Variants in CDK14 observed in about 807,000 individuals in gnomAD.
CDK14 encodes cyclin dependent kinase 14.
CDK14 carries 34 observed loss-of-function variants against 60.7 expected under a neutral mutation model. That is an observed-to-expected ratio of 0.56 (90% confidence interval 0.43 to 0.75). The LOEUF is 0.75. CDK14 is among the 30% of genes least tolerant of loss of function. The pLI is 0.00. For synonymous variants in CDK14, 197 were observed against 203.7 expected, an observed-to-expected ratio of 0.97 and a Z score of 0.28; for missense variants, 482 against 564.1, an observed-to-expected ratio of 0.85 and a Z score of 1.47.
At chr7:91,081,228 A>T (rs1798474854) in intron 12 of CDK14, among the ~76,000 whole-genome samples, 1 of 152,210 alleles carries the variant, frequency 6.6e-6, no homozygotes, top group South Asian at 2.1e-4. Flanking sequence ...TATATTATTG[A>T]TTCTTCCTCC....
At chr7:90,676,419 A>G (rs1801198136) in intron 2 of CDK14, among the ~76,000 whole-genome samples, 1 of 152,002 alleles carries the variant, frequency 6.6e-6, no homozygotes, top group Non-Finnish European at 1.5e-5. Context: ...TGGTGCACTT[A>G]TAGGAGGAAG....
At chr7:90,689,635 A>G (rs1801513216) in intron 2 of CDK14, among the ~76,000 whole-genome samples, 1 of 152,214 alleles carries the variant, frequency 6.6e-6, no homozygotes, top group African/African-American at 2.4e-5. Flanking sequence ...GCTGCTGACT[A>G]GAAATTTGTT....
intron 5 of CDK14, among the ~76,000 whole-genome samples, chr7:90,850,159 A>G (rs1201876668): frequency 6.6e-6 from 1 of 152,002 alleles, no homozygotes; most frequent in Non-Finnish European, 1.5e-5. Flanking sequence ...TTAATAAGAA[A>G]ATGAGAATGG....
intron 11 of CDK14, among the ~76,000 whole-genome samples, chr7:91,058,456 G>T (rs890726874): frequency 7.2e-5 from 11 of 152,152 alleles, no homozygotes; most frequent in Non-Finnish European, 1.3e-4. Context: ...GAATAGGAGT[G>T]GTGAGAGAGG....
At chr7:91,162,394 A>G (rs1162547607) in intron 14 of CDK14, among the ~76,000 whole-genome samples, 1 of 152,130 alleles carries the variant, frequency 6.6e-6, no homozygotes, top group African/African-American at 2.4e-5. Context: ...GGAAGGTGGG[A>G]GCTAGGAGAC....
At chr7:91,149,451 A>G (rs1317596856) in intron 14 of CDK14, among the ~76,000 whole-genome samples, 1 of 152,198 alleles carries the variant, frequency 6.6e-6, no homozygotes, top group Non-Finnish European at 1.5e-5. Context: ...GATGGACTGC[A>G]AATGATATTC....
chr7:91,127,335 A>T (rs1289432006), intron 14 of CDK14, among the ~76,000 whole-genome samples: 2 of 152,192 alleles, frequency 1.3e-5, no homozygotes, highest in African/African-American at 4.8e-5. Flanking sequence ...ATTAAAGCTG[A>T]CATACTCTCA....
At chr7:90,686,064 A>G (rs1202351806) in intron 2 of CDK14, among the ~76,000 whole-genome samples, 2 of 152,188 alleles carry the variant, frequency 1.3e-5, no homozygotes, top group African/African-American at 4.8e-5. Context: ...GTTTTTGGAC[A>G]AGTTACTTCC....
chr7:90,994,576 C>G (rs1263628799), intron 10 of CDK14, among the ~76,000 whole-genome samples: 1 of 152,172 alleles, frequency 6.6e-6, no homozygotes, highest in Non-Finnish European at 1.5e-5. Context: ...CCAAGTCGAG[C>G]TGATAAACAG....
At chr7:90,979,541 A>G (rs1795171694) in intron 9 of CDK14, 1 of 152,206 alleles carries the variant, frequency 6.6e-6, no homozygotes, top group African/African-American at 2.4e-5. Flanking sequence ...CTGTGTTTAT[A>G]CCATATAGAT....
intron 4 of CDK14, among the ~76,000 whole-genome samples, chr7:90,771,810 T>C (rs6972909): frequency 0.083 from 12,565 of 152,214 alleles, 586 homozygotes; most frequent in South Asian, 0.11. Flanking sequence ...CTGGAACTGA[T>C]AGTTTGGTGT....
At chr7:91,117,307 C>T (rs1184863324) in intron 13 of CDK14, among the ~76,000 whole-genome samples, 1 of 151,770 alleles carries the variant, frequency 6.6e-6, no homozygotes, top group Non-Finnish European at 1.5e-5. Flanking sequence ...CACGCCACTC[C>T]TCACTTCACT....
chr7:91,040,898 GTAAA>G (rs1307899695), intron 10 of CDK14, among the ~76,000 whole-genome samples: 1 of 152,236 alleles, frequency 6.6e-6, no homozygotes, highest in Non-Finnish European at 1.5e-5. Context: ...AGAAAGATAA[GTAAA>G]TATTTCTGAC....
chr7:90,881,843 C>T (rs1274216771), intron 6 of CDK14, among the ~76,000 whole-genome samples: 3 of 152,090 alleles, frequency 2.0e-5, no homozygotes, highest in African/African-American at 4.8e-5. Context: ...GACTAAGCTT[C>T]GTAAGCAAAG....
chr7:91,202,285 TATCA>T (rs974438223), intron 14 of CDK14, among the ~76,000 whole-genome samples: 7 of 152,254 alleles, frequency 4.6e-5, no homozygotes. Flanking sequence ...ATAAGGATTT[TATCA>T]ATCAAATCCA....
chr7:90,637,131 T>G (rs1451179405), intron 2 of CDK14, among the ~76,000 whole-genome samples: 1 of 152,158 alleles, frequency 6.6e-6, no homozygotes, highest in Non-Finnish European at 1.5e-5. Context: ...GGTCTCTATT[T>G]CCTTCAGTTC....
intron 5 of CDK14, among the ~76,000 whole-genome samples, chr7:90,856,037 C>G (rs1187499655): frequency 1.3e-5 from 2 of 152,118 alleles, no homozygotes; most frequent in Non-Finnish European, 2.9e-5. Flanking sequence ...TTGCCCATCT[C>G]CAAACTGAAA....
At chr7:90,667,111 T>A (rs1048062022) in intron 2 of CDK14, among the ~76,000 whole-genome samples, 2 of 152,188 alleles carry the variant, frequency 1.3e-5, no homozygotes, top group African/African-American at 4.8e-5. Context: ...GGGGTACATG[T>A]GATGCTGAAC....
At chr7:90,835,015 C>T (rs62468467) in intron 5 of CDK14, among the ~76,000 whole-genome samples, 41,817 of 152,042 alleles carry the variant, frequency 0.28, 6,019 homozygotes, top group Middle Eastern at 0.36. Context: ...GGGCTCAAGT[C>T]ACAGCCCAGG....
Sources: allele counts gnomAD v4.1 joint callset (sites outside exome capture counted in the v4.1 genomes callset), GRCh38; gene constraint gnomAD v4.1.1; transcripts MANE v1.5; gene names NCBI Gene and HGNC (gene_info 2026-07-23, HGNC 2026-07-21).